Variants in TMEM132D observed in about 807,000 individuals in gnomAD.
TMEM132D encodes transmembrane protein 132D.
A neutral mutation model predicts 62.3 loss-of-function variants in TMEM132D; 21 were observed. That is an observed-to-expected ratio of 0.34 (90% CI 0.24 to 0.49). TMEM132D has a LOEUF of 0.49. TMEM132D is among the 20% of genes least tolerant of loss of function. TMEM132D has a pLI of 0.99. For missense variants in TMEM132D, 1,346 were observed against 1,402.8 expected, an observed-to-expected ratio of 0.96 and a Z score of 0.65; for synonymous variants, 621 against 575.6, an observed-to-expected ratio of 1.08 and a Z score of -1.13.
intron 4 of TMEM132D, among the ~76,000 whole-genome samples, chr12:129,268,227 C>T (rs930765064): frequency 2.6e-5 from 4 of 152,080 alleles, no homozygotes; most frequent in South Asian, 2.1e-4. Context: ...CAAAAGAAAC[C>T]ACCATCAGAG....
At chr12:129,714,873 T>C (rs938199589) in intron 1 of TMEM132D, among the ~76,000 whole-genome samples, 2 of 152,106 alleles carry the variant, frequency 1.3e-5, no homozygotes, top group Middle Eastern at 3.2e-3. Context: ...TGAAAGCCCA[T>C]TGAGACAAAG....
At chr12:129,463,030 A>G (rs1192855891) in intron 3 of TMEM132D, among the ~76,000 whole-genome samples, 1 of 152,220 alleles carries the variant, frequency 6.6e-6, no homozygotes, top group African/African-American at 2.4e-5. Flanking sequence ...GTCTTAAAGA[A>G]TCTGATCCAA....
At chr12:129,597,300 C>T (rs1053496029) in intron 2 of TMEM132D, among the ~76,000 whole-genome samples, 10 of 152,266 alleles carry the variant, frequency 6.6e-5, no homozygotes, top group African/African-American at 2.2e-4. Context: ...TGATATACTC[C>T]TGTTTACTTT....
intron 1 of TMEM132D, among the ~76,000 whole-genome samples, chr12:129,861,260 A>G (rs1280226793): frequency 6.6e-6 from 1 of 152,234 alleles, no homozygotes; most frequent in Non-Finnish European, 1.5e-5. Flanking sequence ...GATGTGATCT[A>G]ACCAACCCCC....
chr12:129,818,714 A>G (rs1392542983), intron 1 of TMEM132D, among the ~76,000 whole-genome samples: 1 of 151,918 alleles, frequency 6.6e-6, no homozygotes, highest in Non-Finnish European at 1.5e-5. Flanking sequence ...ACCTGCACAC[A>G]CAGACTGTGG....
rs368466852 is a variant in TMEM132D at position 129,477,865 on chromosome 12, C to CAG, written c.1115+53192_1115+53193dup. 6.1e-3 allele frequency among the ~76,000 whole-genome samples: 912 copies of CAG among 149,692 alleles called. 23 individuals are homozygous for CAG. Among genetic ancestry groups the CAG allele is most frequent in the East Asian group, 0.061 (312 of 5,128 alleles). On this transcript the variant is annotated intron_variant, in intron 3 of 8. Coordinates refer to ENST00000422113, the MANE Select transcript of TMEM132D (RefSeq NM_133448.3). ...ATAGACACATACACACACACATATA[C>CAG]AGAGAGAGAGAGAGAGACAGAGAGA...
chr12:129,461,750 T>A (rs932008963), intron 3 of TMEM132D, among the ~76,000 whole-genome samples: 1 of 151,482 alleles, frequency 6.6e-6, no homozygotes, highest in Non-Finnish European at 1.5e-5. Context: ...GGTGGATAGA[T>A]GGATGGATGG....
chr12:129,241,985 C>T (rs544524079), intron 4 of TMEM132D, among the ~76,000 whole-genome samples: 53 of 152,270 alleles, frequency 3.5e-4, no homozygotes, highest in South Asian at 1.2e-3. Context: ...TCTGAGGGCT[C>T]TTCTGTGTGT....
Position 129,667,160 on chromosome 12 carries a change from G to A in TMEM132D, c.968+32650C>T, listed in dbSNP as rs533415993. On this transcript the variant is annotated intron_variant, in intron 2 of 8. Transcript: ENST00000422113. ...GGTTTTCTTAGAAAACTGATCTGCT[G>A]TTTGATGGAAAATTGTAAAGGGTTC... Among the ~76,000 whole-genome samples, 5 of 152,276 alleles carry A rather than the reference G, an allele frequency of 3.3e-5. No homozygotes were observed. The East Asian group carries it at 9.7e-4, about 29-fold the overall frequency.
intron 1 of TMEM132D, among the ~76,000 whole-genome samples, chr12:129,760,606 T>G (rs7976903): frequency 4.6e-5 from 7 of 151,282 alleles, no homozygotes; most frequent in Admixed American, 2.0e-4. Context: ...TCAAGCCTCC[T>G]GAAGTACTGG....
intron 8 of TMEM132D, among the ~76,000 whole-genome samples, chr12:129,077,221 G>A (rs1218993864): frequency 2.6e-5 from 4 of 152,186 alleles, no homozygotes; most frequent in Non-Finnish European, 5.9e-5. Context: ...GCTGGTGCAT[G>A]AAGGCAGGGA....
intron 3 of TMEM132D, among the ~76,000 whole-genome samples, chr12:129,383,681 CA>C (rs1233434690): frequency 6.6e-6 from 1 of 152,188 alleles, no homozygotes; most frequent in Non-Finnish European, 1.5e-5. Context: ...TCAAGAGATC[CA>C]TCTGCCTTGG....
rs143905056 is a variant in TMEM132D at position 129,074,686 on chromosome 12, G to A, written c.2489C>T (p.Pro830Leu). The A allele has an allele frequency of 5.1e-5, 83 of 1,614,038 alleles. No homozygotes were observed. In the African/African-American group the frequency reaches 1.0e-3, roughly 19 times the overall value. Residue 830 changes from proline (P) to leucine (L), a missense_variant, in exon 9 of 9, where the codon CCC becomes CTC. Coordinates refer to ENST00000422113, the MANE Select transcript of TMEM132D (RefSeq NM_133448.3). ...NNVSDRRPKK[P>L]SQEWGSQEGQ... Reference sequence around the variant, plus strand: ...TTCCTGACTCCCCCATTCCTGCGAGGGTTTTTTGGGCCTTCTGTCACTGAC... The same window carrying A: ...TTCCTGACTCCCCCATTCCTGCGAGAGTTTTTTGGGCCTTCTGTCACTGAC...
chr12:129,725,470 G>GCA (rs1868997899), intron 1 of TMEM132D, among the ~76,000 whole-genome samples: 1 of 152,210 alleles, frequency 6.6e-6, no homozygotes, highest in East Asian at 1.9e-4. Context: ...GGCAAGAAAG[G>GCA]CACACCATTG....
At chr12:129,319,070 T>C (rs1868588007) in intron 4 of TMEM132D, among the ~76,000 whole-genome samples, 1 of 152,144 alleles carries the variant, frequency 6.6e-6, no homozygotes, top group Admixed American at 6.5e-5. Flanking sequence ...AGGTCTTGGT[T>C]CTTCCCCGCC....
At chr12:129,654,279 C>CGTGT (rs925269582) in intron 2 of TMEM132D, among the ~76,000 whole-genome samples, 2 of 105,418 alleles carry the variant, frequency 1.9e-5, no homozygotes, top group African/African-American at 6.7e-5. Context: ...CTCACTCTCT[C>CGTGT]GTGTGTGTGT....
At chr12:129,358,113 C>T (rs1870132109) in intron 3 of TMEM132D, among the ~76,000 whole-genome samples, 1 of 151,962 alleles carries the variant, frequency 6.6e-6, no homozygotes, top group Non-Finnish European at 1.5e-5. Flanking sequence ...TTCTTGTGTC[C>T]TCTATTTCTA....
intron 4 of TMEM132D, among the ~76,000 whole-genome samples, chr12:129,243,662 TTTCA>T (rs1413635752): frequency 1.3e-5 from 2 of 152,212 alleles, no homozygotes; most frequent in Non-Finnish European, 2.9e-5. Flanking sequence ...ATTTTGCTGC[TTTCA>T]TTATTATCAT....
intron 3 of TMEM132D, among the ~76,000 whole-genome samples, chr12:129,505,789 T>C (rs1198043301): frequency 6.6e-6 from 1 of 152,236 alleles, no homozygotes; most frequent in Admixed American, 6.5e-5. Flanking sequence ...CTCTTTGTCT[T>C]TTTAAACTGC....
Sources: allele counts gnomAD v4.1 joint callset (sites outside exome capture counted in the v4.1 genomes callset), GRCh38; gene constraint gnomAD v4.1.1; transcripts MANE v1.5; gene names NCBI Gene and HGNC (gene_info 2026-07-23, HGNC 2026-07-21).